Variants in PLD4 observed in about 807,000 individuals in gnomAD.
PLD4 encodes the protein 5'-3' exonuclease PLD4.
In PLD4, 54 loss-of-function variants were observed where a neutral mutation model predicts 52.3. The ratio of observed to expected loss-of-function variants is 1.03; its 90% confidence interval spans 0.83 to 1.30. PLD4 has a LOEUF of 1.30. PLD4 is among the 50% of genes most tolerant of loss of function. The pLI is 0.00. For synonymous variants in PLD4, 264 were observed against 286.5 expected, an observed-to-expected ratio of 0.92 and a Z score of 0.79; for missense variants, 731 against 671.1, an observed-to-expected ratio of 1.09 and a Z score of -0.99.
At chr14:104,933,248 G>A (rs1056310512), downstream of PLD4, 5 of 359,948 alleles carry the variant, frequency 1.4e-5, no homozygotes, top group African/African-American at 1.1e-4. Flanking sequence ...CGGTGCCTCT[G>A]TGTGAGTCCC....
Position 104,933,105 on chromosome 14 carries a change from C to A in PLD4, c.*141C>A. 1 of 943,824 alleles carries A rather than the reference C, an allele frequency of 1.1e-6. No homozygotes were observed. Among genetic ancestry groups the A allele is most frequent in the Non-Finnish European group, 1.5e-6 (1 of 670,376 alleles). 58.5% of individuals were successfully genotyped at this position (943,824 alleles called of 1,614,324 possible). On this transcript the variant is annotated 3_prime_UTR_variant, in exon 11 of 11. Transcript: ENST00000392593. ...GCCGCCTGCGACCGCCCGGGCGTCG[C>A]AAACCGCCCGCCTGCTCTCTGATTT...
intron 1 of PLD4, among the ~76,000 whole-genome samples, chr14:104,926,765 A>G (rs538730803): frequency 1.9e-4 from 29 of 152,292 alleles, no homozygotes; most frequent in Admixed American, 1.5e-3. Context: ...ATACCTAGAT[A>G]CTCACTGAGT....
chr14:104,935,636 C>T (rs1897790218), downstream of PLD4: 1 of 152,206 alleles, frequency 6.6e-6, no homozygotes, highest in East Asian at 1.9e-4. Context: ...CCTGTGACAC[C>T]TTGTGATCAT....
chr14:104,928,027 G>T (rs555142566), intron 3 of PLD4, among the ~76,000 whole-genome samples, 161 bp downstream of exon 3: 2 of 152,146 alleles, frequency 1.3e-5, no homozygotes, highest in Non-Finnish European at 2.9e-5. Context: ...GAGCTGGAGT[G>T]GGGGCTGGGG....
chr14:104,926,799 C>T (rs1897470032), intron 1 of PLD4, among the ~76,000 whole-genome samples: 1 of 152,248 alleles, frequency 6.6e-6, no homozygotes, highest in Non-Finnish European at 1.5e-5. Context: ...AGGGGAGACA[C>T]AGAAAGCCGG....
At position 104,932,157 on chromosome 14, in the gene PLD4, G is replaced by A. The variant is rs759628235; in HGVS notation, c.1204G>A (p.Ala402Thr). Reference sequence around the variant, plus strand: ...CCTGCAGGCGCTCAGCAACCCCGCGGCCAACGTCTCTGTGGACGTGGTGAG... The same window carrying A: ...CCTGCAGGCGCTCAGCAACCCCGCGACCAACGTCTCTGTGGACGTGGTGAG... ...RSLQALSNPA[A>T]NVSVDVKVFI... is the part of the protein sequence containing the mutation. Residue 402 changes from alanine (A) to threonine (T), a missense_variant, in exon 9 of 11, where the codon GCC becomes ACC. By Grantham distance (58) the Ala-to-Thr change is moderately conservative. Transcript: ENST00000392593. This position sits in a 1 kb window ranked among gnomAD's most constrained non-coding sequence, Gnocchi z 6.5. 3.1e-6 allele frequency: 5 copies of A among 1,611,032 alleles called. No individual in the cohort carries two copies. The East Asian group carries it at 6.7e-5, about 22-fold the overall frequency.
rs367670182 is a variant in PLD4 at position 104,930,949 on chromosome 14, C to T, written c.918+7C>T. The T allele has an allele frequency of 7.3e-5, 118 of 1,612,292 alleles. No homozygotes were observed. The highest frequency in any genetic ancestry group is 8.8e-5 in the South Asian group (8 of 91,076). ...CACCACTGCCTACTTCTCAGTAAGA[C>T]GGGTTGAGAAGGAGCCCATCAGAGG... On this transcript the variant is annotated splice_region_variant and intron_variant, in intron 7 of 10. Transcript: ENST00000392593.
At position 104,932,187 on chromosome 14, in the gene PLD4, T is replaced by A; in HGVS notation, c.1224+10T>A. 1 of 1,611,784 alleles carries A rather than the reference T, an allele frequency of 6.2e-7. No individual in the cohort carries two copies. Among genetic ancestry groups the A allele is most frequent in the Non-Finnish European group, 8.5e-7 (1 of 1,179,400 alleles). ...CGTCTCTGTGGACGTGGTGAGGGCG[T>A]GCTCCCGGCCGGGCGTGGGAAAGGC... On this transcript the variant is annotated intron_variant, in intron 9 of 10. Coordinates refer to ENST00000392593, the MANE Select transcript of PLD4 (RefSeq NM_138790.5). This position sits in a 1 kb window ranked among gnomAD's most constrained non-coding sequence, Gnocchi z 6.5.
Position 104,932,139 on chromosome 14 carries a change from G to T in PLD4, c.1186G>T (p.Ala396Ser). 6.2e-7 allele frequency: 1 copy of T among 1,611,410 alleles called. No homozygotes were observed. Among genetic ancestry groups the T allele is most frequent in the Non-Finnish European group, 8.5e-7 (1 of 1,179,290 alleles). Residue 396 changes from alanine to serine, a missense_variant, in exon 9 of 11, where the codon GCG becomes TCG. Physicochemically the swap from Ala to Ser is moderately conservative, Grantham distance 99. Transcript: ENST00000392593. The surrounding 1 kb of genome is among the most constrained non-coding windows in gnomAD (Gnocchi z 6.5). ...TMFPYLRSLQ[A>S]LSNPAANVSV... is the part of the protein sequence containing the mutation. ...GTTCCCCTACCTGCGGTCCCTGCAG[G>T]CGCTCAGCAACCCCGCGGCCAACGT...
intron 3 of PLD4, 38 bp from the exon 4 acceptor site, chr14:104,928,711 C>A: frequency 6.6e-7 from 1 of 1,515,610 alleles, no homozygotes; most frequent in African/African-American, 1.4e-5. Context: ...CTGGGGGCTC[C>A]CGCACCCATA....
At position 104,932,236 on chromosome 14, in the gene PLD4, C is replaced by A; in HGVS notation, c.1225-23C>A. On this transcript the variant is annotated intron_variant, in intron 9 of 10. Transcript: ENST00000392593. This position sits in a 1 kb window ranked among gnomAD's most constrained non-coding sequence, Gnocchi z 6.5. ...GCGGCCCTCCTGCCGCCCTTCCTGA[C>A]GCGCTGCCTCTGCTCCCCTAAGAAA... The A allele has an allele frequency of 6.2e-7, 1 of 1,612,514 alleles. No homozygotes were observed. Among genetic ancestry groups the A allele is most frequent in the Non-Finnish European group, 8.5e-7 (1 of 1,179,700 alleles).
rs116297378 is a variant in PLD4, at chr14:104,925,299, G to A, written c.-1+309G>A. 4.0e-3 allele frequency among the ~76,000 whole-genome samples: 611 copies of A among 152,328 alleles called. 6 individuals are homozygous for A. Among genetic ancestry groups the A allele is most frequent in the African/African-American group, 0.014 (579 of 41,588 alleles). ...ACCTCTGATGTCTGCAGGGTCTTAC[G>A]CTATCTACCATGGGACCAGGGGGCT... On this transcript the variant is annotated intron_variant, in intron 1 of 10. Coordinates refer to ENST00000392593, the MANE Select transcript of PLD4 (RefSeq NM_138790.5).
chr14:104,931,045 T>A (rs1318262443), intron 7 of PLD4, 103 bp downstream of exon 7: 6 of 1,327,518 alleles, frequency 4.5e-6, no homozygotes, highest in African/African-American at 4.4e-5. Flanking sequence ...ACCAGCAGCA[T>A]CAGCTGGGTC....
chr14:104,927,373 T>G, intron 2 of PLD4, 143 bp downstream of exon 2: 1 of 777,466 alleles, frequency 1.3e-6, no homozygotes, highest in Non-Finnish European at 2.0e-6. Context: ...GAAGCCTCCC[T>G]GGGCTGCTCC....
chr14:104,928,071 CAG>C (rs1331791877), intron 3 of PLD4, among the ~76,000 whole-genome samples: 1 of 152,046 alleles, frequency 6.6e-6, no homozygotes, highest in African/African-American at 2.4e-5. Context: ...TTGCAGCAAA[CAG>C]AGGCTGCCAC....
intron 2 of PLD4, 21 bp downstream of exon 2, chr14:104,927,251 G>T (rs781679131): frequency 1.9e-5 from 29 of 1,522,326 alleles, no homozygotes; most frequent in African/African-American, 9.7e-5. Flanking sequence ...GGGGCCCCAG[G>T]GGGGAGGTGG....
chr14:104,932,194 G>A lies in PLD4; in HGVS notation c.1224+17G>A. 1 of 1,611,822 alleles carries A rather than the reference G, an allele frequency of 6.2e-7. No individual in the cohort carries two copies. Among genetic ancestry groups the A allele is most frequent in the Non-Finnish European group, 8.5e-7 (1 of 1,179,450 alleles). On this transcript the variant is annotated intron_variant, in intron 9 of 10. Coordinates refer to ENST00000392593, the MANE Select transcript of PLD4 (RefSeq NM_138790.5). This position sits in a 1 kb window ranked among gnomAD's most constrained non-coding sequence, Gnocchi z 6.5. ...GTGGACGTGGTGAGGGCGTGCTCCC[G>A]GCCGGGCGTGGGAAAGGCGGCCCTC...
rs960457714 is a variant in PLD4, at chr14:104,927,375, G to T, written c.90+145G>T. 112 of 768,362 alleles carry T rather than the reference G, an allele frequency of 1.5e-4. 3 individuals are homozygous for T. The South Asian group carries it at 1.7e-3, about 11-fold the overall frequency. The allele number at this position is 768,362 out of a possible 1,614,324, so 47.6% of individuals were successfully genotyped here. On this transcript the variant is annotated intron_variant, in intron 2 of 10. Coordinates refer to ENST00000392593, the MANE Select transcript of PLD4 (RefSeq NM_138790.5). ...CTGGTGGGCAAGGGAAGCCTCCCTGGGCTGCTCCAGACCTTCCCTTTATGC... is the reference window on the plus strand; with the variant it reads ...CTGGTGGGCAAGGGAAGCCTCCCTGTGCTGCTCCAGACCTTCCCTTTATGC...
At chr14:104,929,051 G>A in intron 4 of PLD4, 119 bp downstream of exon 4, 1 of 1,347,084 alleles carries the variant, frequency 7.4e-7, no homozygotes, top group Non-Finnish European at 1.0e-6. Context: ...GTAGGGTCTA[G>A]CATGGAACAG....
Sources: gnomAD v4.1 joint callset for allele counts (sites outside exome capture counted in the v4.1 genomes callset) on GRCh38, gnomAD v4.1.1 for gene constraint, Gnocchi (gnomAD v3.1) non-coding constraint, MANE v1.5 for transcripts, NCBI Gene and HGNC (gene_info 2026-07-23, HGNC 2026-07-21) for gene names.